Variants in NPM1 observed in about 807,000 individuals in gnomAD.
The protein encoded by NPM1 is nucleophosmin.
Under a neutral mutation model 44.1 loss-of-function variants are expected in NPM1, and 1 was observed. That is an observed-to-expected ratio of 0.02 (90% CI 0.01 to 0.11). The LOEUF (loss-of-function observed/expected upper bound fraction) is 0.11, where lower values mean the gene tolerates loss of function less well. Among genes scored for constraint, NPM1 ranks in the 10% least tolerant of loss-of-function variants. NPM1 has a pLI of 1.00. For synonymous variants in NPM1, 126 were observed against 111.8 expected, an observed-to-expected ratio of 1.13 and a Z score of -0.80; for missense variants, 197 against 347.8, an observed-to-expected ratio of 0.57 and a Z score of 3.45.
At chr5:171,388,121 G>C (rs2071276) in intron 1 of NPM1, 115 bp downstream of exon 1, 8 of 926,080 alleles carry the variant, frequency 8.6e-6, no homozygotes, top group Non-Finnish European at 1.4e-5. Flanking sequence ...CCAGACCGAC[G>C]GGAGGCCTGA....
At chr5:171,396,839 G>T in intron 6 of NPM1, among the ~76,000 whole-genome samples, 1 of 152,176 alleles carries the variant, frequency 6.6e-6, no homozygotes, top group Non-Finnish European at 1.5e-5. Flanking sequence ...TGGGTGTGAT[G>T]GTGGGCGCTT....
At chr5:171,404,091 C>A (rs1283436966) in intron 8 of NPM1, among the ~76,000 whole-genome samples, 3 of 72,324 alleles carry the variant, frequency 4.1e-5, no homozygotes. Flanking sequence ...GGGGCTGACC[C>A]CCCCACCTCC....
chr5:171,398,884 A>G (rs1303814379), intron 6 of NPM1, among the ~76,000 whole-genome samples: 1 of 152,154 alleles, frequency 6.6e-6, no homozygotes, highest in Non-Finnish European at 1.5e-5. Flanking sequence ...TTTTTTTGAA[A>G]TGAGTCTCAC....
At chr5:171,399,511 A>G (rs575772608) in intron 6 of NPM1, among the ~76,000 whole-genome samples, 1 of 151,300 alleles carries the variant, frequency 6.6e-6, no homozygotes, top group African/African-American at 2.4e-5. Context: ...TGTTAGGATT[A>G]TAGGTGTGAG....
intron 1 of NPM1, among the ~76,000 whole-genome samples, chr5:171,389,533 T>G (rs558458325): frequency 1.3e-5 from 2 of 152,334 alleles, no homozygotes; most frequent in African/African-American, 4.8e-5. Flanking sequence ...GAATATAGTT[T>G]GAGGCGTATG....
chr5:171,398,112 A>T (rs1379566039), intron 6 of NPM1, among the ~76,000 whole-genome samples: 1 of 151,670 alleles, frequency 6.6e-6, no homozygotes, highest in East Asian at 1.9e-4. Context: ...TATTCTGCAA[A>T]CAAGTCCCTT....
intron 1 of NPM1, among the ~76,000 whole-genome samples, chr5:171,388,346 C>T (rs1443430200): frequency 6.6e-6 from 1 of 152,204 alleles, no homozygotes; most frequent in Non-Finnish European, 1.5e-5. Context: ...TATTTTCTAA[C>T]GGCGGTGGTT....
intron 1 of NPM1, 47 bp downstream of exon 1, chr5:171,388,053 C>CGGTGAG: frequency 1.7e-6 from 1 of 589,626 alleles, no homozygotes; most frequent in Non-Finnish European, 3.2e-6. Flanking sequence ...GGCCTGGTGG[C>CGGTGAG]GGTGAGGGTG....
intron 4 of NPM1, among the ~76,000 whole-genome samples, chr5:171,392,007 G>A (rs767121118): frequency 1.3e-5 from 2 of 151,972 alleles, no homozygotes; most frequent in East Asian, 1.9e-4. Context: ...ACAGTGGCAC[G>A]ATCTTGGCTC....
chr5:171,391,149 T>G (rs1022315305), intron 2 of NPM1, 156 bp from the exon 3 acceptor site: 29 of 831,016 alleles, frequency 3.5e-5, no homozygotes, highest in Admixed American at 7.9e-5. Context: ...TATAAGCACA[T>G]TCTTATGATT....
chr5:171,392,153 C>T (rs1057098554), intron 4 of NPM1, among the ~76,000 whole-genome samples: 17 of 152,124 alleles, frequency 1.1e-4, no homozygotes, highest in African/African-American at 3.9e-4. Context: ...TTGGCCAGGC[C>T]GATCTTGAAC....
At chr5:171,404,697 G>A (rs530172947) in intron 8 of NPM1, among the ~76,000 whole-genome samples, 3 of 143,366 alleles carry the variant, frequency 2.1e-5, no homozygotes, top group South Asian at 2.5e-4. Flanking sequence ...GACGATGGGC[G>A]GCCAGGCAGA....
At chr5:171,399,337 C>CAG (rs1561870227) in intron 6 of NPM1, among the ~76,000 whole-genome samples, 1 of 152,158 alleles carries the variant, frequency 6.6e-6, no homozygotes, top group East Asian at 1.9e-4. Context: ...TTACAGTTCA[C>CAG]TGTCTCAAGC....
intron 8 of NPM1, among the ~76,000 whole-genome samples, chr5:171,403,897 C>T (rs71589874): frequency 0.92 from 30,223 of 32,696 alleles, 14,446 homozygotes; most frequent in Non-Finnish European, 0.99. Context: ...ACGGGGCGGC[C>T]GGCCAGGCGG....
At chr5:171,401,800 A>G (rs544804244) in intron 8 of NPM1, among the ~76,000 whole-genome samples, 9 of 152,188 alleles carry the variant, frequency 5.9e-5, no homozygotes, top group Admixed American at 2.0e-4. Context: ...ATGTCTGCAT[A>G]GAGTAGAAGT....
In NPM1 at chr5:171,399,509, TTA is replaced by T. The variant is rs565466309; in HGVS notation, c.525-641_525-640del. Among the ~76,000 whole-genome samples the T allele has an allele frequency of 3.3e-3, 498 of 152,266 alleles. 2 individuals carry two copies. Among genetic ancestry groups the T allele is most frequent in the Admixed American group, 5.2e-3 (79 of 15,294 alleles). On this transcript the variant is annotated intron_variant, in intron 6 of 10. Coordinates refer to ENST00000296930, the MANE Select transcript of NPM1 (RefSeq NM_002520.7). ...ACCTCAGCCTCCCAAAGTGTTAGGATTATAGGTGTGAGACACTGTGCCAGTTC... is the reference window on the plus strand; with the variant it reads ...ACCTCAGCCTCCCAAAGTGTTAGGATTAGGTGTGAGACACTGTGCCAGTTC...
chr5:171,395,963 A>ATTT (rs10709038), intron 6 of NPM1, among the ~76,000 whole-genome samples: 3 of 140,198 alleles, frequency 2.1e-5, no homozygotes, highest in African/African-American at 5.2e-5. Flanking sequence ...GTAAAGCTGA[A>ATTT]TTTTTTTTTT....
intron 10 of NPM1, among the ~76,000 whole-genome samples, chr5:171,408,674 GAA>G (rs1378538797): frequency 6.6e-6 from 1 of 152,080 alleles, no homozygotes; most frequent in Non-Finnish European, 1.5e-5. Flanking sequence ...CTCTACATTT[GAA>G]TCCTAAAGTT....
chr5:171,388,504 C>A (rs941687120), intron 1 of NPM1, among the ~76,000 whole-genome samples: 1 of 150,020 alleles, frequency 6.7e-6, no homozygotes, highest in Non-Finnish European at 1.5e-5. Context: ...AGACTTACCT[C>A]GCGTGCTTCG....
Sources: allele counts gnomAD v4.1 joint callset (sites outside exome capture counted in the v4.1 genomes callset), GRCh38; gene constraint gnomAD v4.1.1; transcripts MANE v1.5; gene names NCBI Gene and HGNC (gene_info 2026-07-23, HGNC 2026-07-21).